The following CADPS variants were observed in gnomAD, a reference collection of about 807,000 sequenced individuals.
CADPS encodes calcium-dependent secretion activator 1.
In CADPS, 57 loss-of-function variants were observed where a neutral mutation model predicts 167.3. The ratio of observed to expected loss-of-function variants is 0.34; its 90% CI spans 0.28 to 0.42. CADPS has a LOEUF of 0.42. CADPS is among the 20% of genes least tolerant of loss of function. CADPS has a pLI of 1.00. For synonymous variants in CADPS, 676 were observed against 635.3 expected, an observed-to-expected ratio of 1.06 and a Z score of -0.96; for missense variants, 1,414 against 1,738.1, an observed-to-expected ratio of 0.81 and a Z score of 3.32.
chr3:62,791,889 A>C (rs2092980371), intron 1 of CADPS, among the ~76,000 whole-genome samples: 1 of 152,248 alleles, frequency 6.6e-6, no homozygotes, highest in Non-Finnish European at 1.5e-5. Context: ...TTAAGTGCTT[A>C]GCACATGCCT....
intron 3 of CADPS, among the ~76,000 whole-genome samples, chr3:62,700,240 G>GAA (rs1223310499): frequency 2.0e-5 from 3 of 152,110 alleles, no homozygotes; most frequent in Non-Finnish European, 4.4e-5. Context: ...CCCTTCAAGA[G>GAA]GTGGAGCTTA....
At chr3:62,475,608 A>AC (rs1553787443) in intron 23 of CADPS, among the ~76,000 whole-genome samples, 4 of 150,648 alleles carry the variant, frequency 2.7e-5, no homozygotes, top group South Asian at 2.1e-4. Context: ...AAAAAAAAAA[A>AC]AAAACACCTA....
intron 6 of CADPS, among the ~76,000 whole-genome samples, chr3:62,637,274 T>A (rs2066491014): frequency 6.6e-6 from 1 of 152,168 alleles, no homozygotes; most frequent in Admixed American, 6.6e-5. Flanking sequence ...ACGGTGAAAC[T>A]GTGATTTAAA....
chr3:62,417,977 CA>C (rs998589138), intron 28 of CADPS, among the ~76,000 whole-genome samples: 1 of 152,000 alleles, frequency 6.6e-6, no homozygotes, highest in Non-Finnish European at 1.5e-5. Context: ...CCAGCCTGGG[CA>C]ACAAGTGAGA....
At chr3:62,432,279 T>C (rs1053443298) in intron 28 of CADPS, among the ~76,000 whole-genome samples, 5 of 152,274 alleles carry the variant, frequency 3.3e-5, no homozygotes, top group African/African-American at 1.2e-4. Context: ...AGCCAGTTTC[T>C]TTACAGATGG....
At chr3:62,851,110 T>G (rs1014595599) in intron 1 of CADPS, among the ~76,000 whole-genome samples, 1 of 123,778 alleles carries the variant, frequency 8.1e-6, no homozygotes, top group African/African-American at 3.0e-5. Context: ...TGCCTTTTTT[T>G]GTTTTCCATT....
Position 62,601,543 on chromosome 3 carries a change from A to G in CADPS, c.1326-8795T>C, listed in dbSNP as rs78989549. 6.9e-3 allele frequency among the ~76,000 whole-genome samples: 1,045 copies of G among 152,248 alleles called. 12 individuals carry two copies. The highest frequency in any genetic ancestry group is 0.024 in the African/African-American group (984 of 41,544). On this transcript the variant is annotated intron_variant, in intron 6 of 29. Transcript: ENST00000383710. The surrounding 1 kb of genome is among the most constrained non-coding windows in gnomAD (Gnocchi z 4.3). ...AAACATGCACTCACAAAGACAGCTGACCCCATGGGGATCCAATTTGCTGCT... is the reference window on the plus strand; with the variant it reads ...AAACATGCACTCACAAAGACAGCTGGCCCCATGGGGATCCAATTTGCTGCT...
chr3:62,516,870 G>T (rs2069114960), intron 14 of CADPS, among the ~76,000 whole-genome samples: 1 of 152,150 alleles, frequency 6.6e-6, no homozygotes, highest in Non-Finnish European at 1.5e-5. Context: ...GTCTGCAGCA[G>T]AAAAGAATAT....
chr3:62,654,837 GA>G (rs2071137098), intron 4 of CADPS, among the ~76,000 whole-genome samples: 1 of 152,194 alleles, frequency 6.6e-6, no homozygotes, highest in African/African-American at 2.4e-5. Context: ...TAGTTGCCAG[GA>G]GGATGAAGAA....
At chr3:62,831,267 CA>C (rs1406231483) in intron 1 of CADPS, among the ~76,000 whole-genome samples, 1 of 152,090 alleles carries the variant, frequency 6.6e-6, no homozygotes, top group African/African-American at 2.4e-5. Flanking sequence ...CTTCATTTTC[CA>C]GATGAGGAAA....
chr3:62,646,559 A>G (rs2068635751), intron 5 of CADPS, among the ~76,000 whole-genome samples: 1 of 152,188 alleles, frequency 6.6e-6, no homozygotes, highest in Non-Finnish European at 1.5e-5. Flanking sequence ...TTGCTTCACA[A>G]TAAGATAAGT....
chr3:62,494,364 G>A (rs917995954), intron 18 of CADPS, among the ~76,000 whole-genome samples: 1 of 152,124 alleles, frequency 6.6e-6, no homozygotes, highest in Non-Finnish European at 1.5e-5. Flanking sequence ...GGAACTTGCT[G>A]GATGAAGTTC....
At chr3:62,557,306 G>C (rs1378558842) in intron 10 of CADPS, 99 bp downstream of exon 10, 14 of 800,404 alleles carry the variant, frequency 1.7e-5, no homozygotes, top group Non-Finnish European at 2.9e-5. Flanking sequence ...AATTGACTTA[G>C]TGCCTAGCAT....
At chr3:62,566,882 G>A (rs2080319015) in intron 9 of CADPS, among the ~76,000 whole-genome samples, 1 of 152,124 alleles carries the variant, frequency 6.6e-6, no homozygotes, top group Non-Finnish European at 1.5e-5. Context: ...ATATGTACAT[G>A]AAAAATTTCA....
intron 3 of CADPS, among the ~76,000 whole-genome samples, chr3:62,727,000 T>C (rs1398929298): frequency 6.6e-6 from 1 of 151,856 alleles, no homozygotes; most frequent in Non-Finnish European, 1.5e-5. Context: ...GCACCTAGAC[T>C]GTCTTAGATT....
At chr3:62,611,104 C>G (rs1314606145) in intron 6 of CADPS, among the ~76,000 whole-genome samples, 2 of 152,084 alleles carry the variant, frequency 1.3e-5, no homozygotes, top group Non-Finnish European at 2.9e-5. Flanking sequence ...AAATCCTGGT[C>G]AGCACTGACC....
At chr3:62,844,201 G>A (rs17067258) in intron 1 of CADPS, among the ~76,000 whole-genome samples, 18,834 of 152,060 alleles carry the variant, frequency 0.12, 1,230 homozygotes, top group Admixed American at 0.15. Context: ...GAAGTTTACC[G>A]GCATCAACAT....
chr3:62,806,759 T>G (rs999357557), intron 1 of CADPS, among the ~76,000 whole-genome samples: 1 of 152,098 alleles, frequency 6.6e-6, no homozygotes, highest in Non-Finnish European at 1.5e-5. Context: ...CCAATGTGAT[T>G]TTTTTAAAAA....
At chr3:62,492,996 T>C (rs902711038) in intron 19 of CADPS, among the ~76,000 whole-genome samples, 1 of 152,206 alleles carries the variant, frequency 6.6e-6, no homozygotes, top group Admixed American at 6.5e-5. Context: ...ATTGTTGCAA[T>C]TGTCACAAAA....
Sources: allele counts gnomAD v4.1 joint callset (sites outside exome capture counted in the v4.1 genomes callset), GRCh38; gene constraint gnomAD v4.1.1; non-coding constraint Gnocchi (gnomAD v3.1); transcripts MANE v1.5; gene names NCBI Gene and HGNC (gene_info 2026-07-23, HGNC 2026-07-21).